Variants in ACSL5 observed in about 807,000 individuals in gnomAD.
ACSL5 encodes acyl-CoA synthetase long chain family member 5.
Under a neutral mutation model 84.9 loss-of-function variants are expected in ACSL5, and 50 were observed. That is an observed-to-expected ratio of 0.59 (90% confidence interval 0.47 to 0.75). ACSL5 has a LOEUF of 0.75. Among genes scored for constraint, ACSL5 ranks in the 30% least tolerant of loss-of-function variants. The probability of loss-of-function intolerance (pLI) is 0.00; values close to 1 mark genes in which losing one functional copy is unlikely to be tolerated. For missense variants in ACSL5, 775 were observed against 830.4 expected (o/e 0.93, Z 0.82); for synonymous variants, 280 against 300.7 (o/e 0.93, Z 0.71).
At chr10:112,418,074 T>C in intron 14 of ACSL5, 133 bp downstream of exon 14, 1 of 699,776 alleles carries the variant, frequency 1.4e-6, no homozygotes. Flanking sequence ...CCAAAGAAAA[T>C]ATCCTTCTAA....
chr10:112,375,703 C>A (rs1301995074), intron 1 of ACSL5, among the ~76,000 whole-genome samples: 1 of 152,116 alleles, frequency 6.6e-6, no homozygotes, highest in African/African-American at 2.4e-5. Context: ...GCGAAAGAAT[C>A]GATTTTTAAG....
At chr10:112,405,468 C>T (rs1366573739) in intron 5 of ACSL5, among the ~76,000 whole-genome samples, 1 of 152,184 alleles carries the variant, frequency 6.6e-6, no homozygotes, top group African/African-American at 2.4e-5. Context: ...GAGTTAAGTT[C>T]TATGTGGATC....
chr10:112,417,835 C>G lies in ACSL5; in HGVS notation c.1219-11C>G, dbSNP rs1422698456. ...ATAGGTTTTAGTATGTCTTTTGTTT[C>G]CACTGAACAGGACAGCCTGGGCGGA... On this transcript the variant is annotated splice_polypyrimidine_tract_variant and intron_variant, in intron 13 of 20. Transcript: ENST00000354655. 6.2e-7 allele frequency: 1 copy of G among 1,612,722 alleles called. No individual in the cohort carries two copies. Among genetic ancestry groups the G allele is most frequent in the Non-Finnish European group, 8.5e-7 (1 of 1,178,740 alleles).
At position 112,402,702 on chromosome 10, in the gene ACSL5, T is replaced by C. The variant is rs140131080; in HGVS notation, c.266-1809T>C. ...CCTTCCTTTTTTTCCCATCTCTTAG[T>C]CTAGAAGTCCACTTACTTGCCTCCG... On this transcript the variant is annotated intron_variant, in intron 3 of 20. Transcript: ENST00000354655. Among the ~76,000 whole-genome samples, 1,139 of 152,288 alleles carry C rather than the reference T, an allele frequency of 7.5e-3. 10 individuals are homozygous for C. The highest frequency in any genetic ancestry group is 0.014 in the African/African-American group (591 of 41,564).
chr10:112,408,370 TG>T (rs1353290437), intron 5 of ACSL5, 51 bp from the exon 6 acceptor site: 11 of 1,126,114 alleles, frequency 9.8e-6, no homozygotes, highest in Middle Eastern at 2.0e-4. Flanking sequence ...ATGACTGAAC[TG>T]GTACTCTTCA....
At chr10:112,423,481 G>A (rs978396524) in intron 17 of ACSL5, among the ~76,000 whole-genome samples, 3 of 151,342 alleles carry the variant, frequency 2.0e-5, no homozygotes, top group African/African-American at 7.3e-5. Context: ...GCTGGTATAA[G>A]CTACCACACC....
At position 112,422,026 on chromosome 10, in the gene ACSL5, TGAA is replaced by T. The variant is rs772435387; in HGVS notation, c.1469_1471del (p.Glu490del). ...ACATGAACTACTTTACAGTGAATAATGAAGGAGAGGTGGGTAGGTCATGCCCTG... is the reference window on the plus strand; with the variant it reads ...ACATGAACTACTTTACAGTGAATAATGGAGAGGTGGGTAGGTCATGCCCTG... On this transcript the variant is annotated inframe_deletion, in exon 16 of 21. Coordinates refer to ENST00000354655, the MANE Select transcript of ACSL5 (RefSeq NM_203379.2). 6.2e-7 allele frequency: 1 copy of T among 1,614,182 alleles called. No homozygotes were observed. The highest frequency in any genetic ancestry group is 2.2e-5 in the East Asian group (1 of 44,874).
chr10:112,420,856 G>A (rs1844441500), intron 14 of ACSL5, among the ~76,000 whole-genome samples: 1 of 152,086 alleles, frequency 6.6e-6, no homozygotes, highest in Admixed American at 6.5e-5. Context: ...TGAGTGGCTG[G>A]AATTACAGGC....
intron 1 of ACSL5, among the ~76,000 whole-genome samples, chr10:112,382,020 A>G (rs753285445): frequency 1.3e-5 from 2 of 152,212 alleles, no homozygotes; most frequent in Non-Finnish European, 2.9e-5. Context: ...CCCATAGAGC[A>G]CTGGTCTCAA....
intron 1 of ACSL5, among the ~76,000 whole-genome samples, chr10:112,388,029 C>T (rs1024565469): frequency 4.7e-5 from 7 of 150,226 alleles, no homozygotes; most frequent in Non-Finnish European, 4.4e-5. Context: ...ACTTCCGCCT[C>T]CCAGGTTCAA....
At position 112,401,230 on chromosome 10, in the gene ACSL5, A is replaced by C. The variant is rs138369929; in HGVS notation, c.265+2221A>C. ...CACTCCATCTCAAAAAAATAAAAAAAGAAAAATGACACTTCTGGTCCTATC... is the reference window on the plus strand; with the variant it reads ...CACTCCATCTCAAAAAAATAAAAAACGAAAAATGACACTTCTGGTCCTATC... On this transcript the variant is annotated intron_variant, in intron 3 of 20. Transcript: ENST00000354655. 2.1e-3 allele frequency among the ~76,000 whole-genome samples: 325 copies of C among 152,328 alleles called. 1 individual carries two copies. Among genetic ancestry groups the C allele is most frequent in the African/African-American group, 7.7e-3 (319 of 41,576 alleles).
At chr10:112,421,751 C>A in intron 15 of ACSL5, 86 bp downstream of exon 15, 1 of 1,432,364 alleles carries the variant, frequency 7.0e-7, no homozygotes. Context: ...TAGATAACTT[C>A]AGTTCTCTGG....
chr10:112,412,976 C>CA (rs763730627), intron 11 of ACSL5, among the ~76,000 whole-genome samples, 197 bp from the exon 12 acceptor site: 3 of 152,290 alleles, frequency 2.0e-5, no homozygotes, highest in East Asian at 1.9e-4. Flanking sequence ...GGAAGGTTCT[C>CA]AGAGTCCTGA....
In ACSL5 at chr10:112,416,870, G is replaced by A; in HGVS notation, c.1084-18G>A. On this transcript the variant is annotated intron_variant, in intron 12 of 20. Coordinates refer to ENST00000354655, the MANE Select transcript of ACSL5 (RefSeq NM_203379.2). The stretch of plus-strand genomic sequence containing the variant: ...ATCTCCAATAGGTTTCCAACTAAAA[G>A]GAGCTATCACTCTGCAGGTACAAAA... The A allele has an allele frequency of 6.2e-7, 1 of 1,611,930 alleles. No homozygotes were observed. Among genetic ancestry groups the A allele is most frequent in the Non-Finnish European group, 8.5e-7 (1 of 1,178,270 alleles).
At chr10:112,394,701 A>G in intron 1 of ACSL5, 3 of 976,230 alleles carry the variant, frequency 3.1e-6, no homozygotes, top group Non-Finnish European at 2.4e-6. Context: ...GTCAAGTAGC[A>G]GAGGTGGAGA....
At chr10:112,425,570 A>G in intron 18 of ACSL5, 89 bp downstream of exon 18, 2 of 1,088,940 alleles carry the variant, frequency 1.8e-6, no homozygotes, top group Non-Finnish European at 2.5e-6. Flanking sequence ...TGGGTTCAGA[A>G]TGAGAAGATC....
chr10:112,396,552 A>C (rs1419818100), intron 2 of ACSL5, among the ~76,000 whole-genome samples: 1 of 152,192 alleles, frequency 6.6e-6, no homozygotes, highest in Admixed American at 6.5e-5. Flanking sequence ...TCTCACAGCT[A>C]AGAAAATACC....
Position 112,427,480 on chromosome 10 carries a change from G to A in ACSL5, c.*122G>A. The A allele has an allele frequency of 1.1e-6, 1 of 923,810 alleles. No homozygotes were observed. The highest frequency in any genetic ancestry group is 1.5e-6 in the Non-Finnish European group (1 of 647,088). 57.2% of individuals were successfully genotyped at this position (923,810 alleles called of 1,614,324 possible). A position where few individuals can be genotyped will look rare whatever the true frequency, so the allele number is the denominator to read the frequency against. On this transcript the variant is annotated 3_prime_UTR_variant, in exon 21 of 21. Coordinates refer to ENST00000354655, the MANE Select transcript of ACSL5 (RefSeq NM_203379.2). ...TTTTTTTAACCTGTTAAACTCTAAA[G>A]CCATAGCTTTTGTTTTATATTGAGA...
Position 112,383,487 on chromosome 10 carries a change from A to G in ACSL5, c.-30+9218A>G, listed in dbSNP as rs565069686. Among the ~76,000 whole-genome samples, 232 of 152,368 alleles carry G rather than the reference A, an allele frequency of 1.5e-3. 2 individuals are homozygous for G. Among genetic ancestry groups the G allele is most frequent in the African/African-American group, 4.8e-3 (199 of 41,590 alleles). ...AATGAATATTGAAAGACACAGTTTCAGGGCCCCTCGGCCCTGTGACTCAGC... is the reference window on the plus strand; with the variant it reads ...AATGAATATTGAAAGACACAGTTTCGGGGCCCCTCGGCCCTGTGACTCAGC... On this transcript the variant is annotated intron_variant, in intron 1 of 20. Transcript: ENST00000354655.
Sources: gnomAD v4.1 joint callset for allele counts (sites outside exome capture counted in the v4.1 genomes callset) on GRCh38, gnomAD v4.1.1 for gene constraint, MANE v1.5 for transcripts, NCBI Gene and HGNC (gene_info 2026-07-23, HGNC 2026-07-21) for gene names.